The following NR5A2 variants were observed in gnomAD, a reference collection of about 807,000 sequenced individuals.
The protein encoded by NR5A2 is CYP7A promoter-binding factor.
Under a neutral mutation model 62.7 loss-of-function variants are expected in NR5A2, and 26 were observed. The ratio of observed to expected loss-of-function variants is 0.41; its 90% confidence interval spans 0.30 to 0.58. NR5A2 has a LOEUF of 0.58. Ranked by LOEUF, NR5A2 falls within the 20% of genes least tolerant of loss-of-function variation. The pLI is 0.22. For synonymous variants in NR5A2, 246 were observed against 241.7 expected (o/e 1.02, Z -0.16); for missense variants, 541 against 669.1 (o/e 0.81, Z 2.11).
chr1:200,150,787 A>G (rs1653052301), intron 7 of NR5A2, among the ~76,000 whole-genome samples: 1 of 152,184 alleles, frequency 6.6e-6, no homozygotes, highest in Non-Finnish European at 1.5e-5. Flanking sequence ...TTTTCCAACC[A>G]TGTCTCTAAT....
intron 5 of NR5A2, among the ~76,000 whole-genome samples, chr1:200,092,873 CTT>C (rs869028679): frequency 3.4e-3 from 219 of 64,218 alleles, no homozygotes; most frequent in Non-Finnish European, 4.3e-3. Context: ...AAAGACAGGT[CTT>C]TTTTTTTTTT....
chr1:200,172,698 G>A (rs989606568), intron 7 of NR5A2, among the ~76,000 whole-genome samples: 1 of 152,166 alleles, frequency 6.6e-6, no homozygotes, highest in African/African-American at 2.4e-5. Context: ...CCAGTGTAAA[G>A]CCATTTAGAA....
intron 7 of NR5A2, among the ~76,000 whole-genome samples, chr1:200,152,686 T>G (rs1328671993): frequency 6.6e-6 from 1 of 152,234 alleles, no homozygotes; most frequent in Non-Finnish European, 1.5e-5. Flanking sequence ...ATATCCCATT[T>G]TTTTCATAGT....
At chr1:200,165,303 C>T (rs767176137) in intron 7 of NR5A2, among the ~76,000 whole-genome samples, 2 of 152,116 alleles carry the variant, frequency 1.3e-5, no homozygotes, top group Admixed American at 6.5e-5. Context: ...GCATTCCACA[C>T]TGGAGTGAAA....
Position 200,039,515 on chromosome 1 carries a change from C to T in NR5A2, c.65-143C>T. 1.7e-6 allele frequency: 2 copies of T among 1,154,962 alleles called. No homozygotes were observed. The highest frequency in any genetic ancestry group is 1.5e-5 in the South Asian group (1 of 66,128). 71.5% of individuals were successfully genotyped at this position (1,154,962 alleles called of 1,614,324 possible). A position where few individuals can be genotyped will look rare whatever the true frequency, so the allele number is the denominator to read the frequency against. On this transcript the variant is annotated intron_variant, in intron 1 of 7. Coordinates refer to ENST00000367362, the MANE Select transcript of NR5A2 (RefSeq NM_205860.3). This position sits in a 1 kb window ranked among gnomAD's most constrained non-coding sequence, Gnocchi z 5.1. ...TGGGGGCGGCTCCGGAGCTGCGAGA[C>T]CGGACAGGGCTCAGAGGTCCTGCCC...
intron 5 of NR5A2, among the ~76,000 whole-genome samples, chr1:200,052,847 A>T (rs1043880034): frequency 2.6e-5 from 4 of 152,162 alleles, no homozygotes; most frequent in South Asian, 4.2e-4. Flanking sequence ...TCACCGTGTT[A>T]GCCAGGATGG....
intron 1 of NR5A2, among the ~76,000 whole-genome samples, chr1:200,035,830 G>A (rs965811965): frequency 2.0e-5 from 3 of 152,164 alleles, no homozygotes; most frequent in Admixed American, 1.3e-4. Context: ...GAGGGGAGGT[G>A]GGGGAAAAGG....
In NR5A2 at chr1:200,039,577, G is replaced by A; in HGVS notation, c.65-81G>A. On this transcript the variant is annotated intron_variant, in intron 1 of 7. Coordinates refer to ENST00000367362, the MANE Select transcript of NR5A2 (RefSeq NM_205860.3). This position sits in a 1 kb window ranked among gnomAD's most constrained non-coding sequence, Gnocchi z 5.1. ...GGAGGCGGAGGCACGCTCCGGCGAG[G>A]CGAGAGGGTTGGGTTAGCAGGCATC... 7.6e-6 allele frequency: 12 copies of A among 1,584,866 alleles called. No individual in the cohort carries two copies. In the South Asian group the frequency reaches 1.3e-4, roughly 18 times the overall value.
intron 5 of NR5A2, among the ~76,000 whole-genome samples, chr1:200,096,758 A>T (rs539877603): frequency 1.7e-4 from 26 of 152,190 alleles, no homozygotes; most frequent in Admixed American, 5.2e-4. Context: ...ATATTATAAT[A>T]ATGTATTTTT....
intron 5 of NR5A2, among the ~76,000 whole-genome samples, chr1:200,076,455 A>ATTTT (rs11430284): frequency 4.1e-5 from 6 of 146,272 alleles, no homozygotes; most frequent in African/African-American, 1.5e-4. Context: ...ATGCCCAGGA[A>ATTTT]TTTTTTTTTT....
At chr1:200,097,518 T>C (rs542558433) in intron 5 of NR5A2, among the ~76,000 whole-genome samples, 14 of 152,388 alleles carry the variant, frequency 9.2e-5, no homozygotes, top group African/African-American at 3.4e-4. Flanking sequence ...GGGGAACTTA[T>C]ATTTTGTATA....
intron 7 of NR5A2, among the ~76,000 whole-genome samples, chr1:200,156,108 C>T (rs1653371519): frequency 6.6e-6 from 1 of 152,182 alleles, no homozygotes; most frequent in African/African-American, 2.4e-5. Flanking sequence ...TACTGAGCCA[C>T]CATGGGGGTC....
At chr1:200,129,390 T>G (rs1162206535) in intron 7 of NR5A2, among the ~76,000 whole-genome samples, 1 of 152,220 alleles carries the variant, frequency 6.6e-6, no homozygotes, top group African/African-American at 2.4e-5. Context: ...ATTCAGCCAT[T>G]AAGTGAGGCA....
intron 5 of NR5A2, among the ~76,000 whole-genome samples, chr1:200,060,158 G>A (rs780240694): frequency 6.6e-6 from 1 of 152,042 alleles, no homozygotes; most frequent in Non-Finnish European, 1.5e-5. Context: ...CTTTTCTTCT[G>A]TCCCAATTCG....
At chr1:200,036,312 G>A (rs1470500886) in intron 1 of NR5A2, among the ~76,000 whole-genome samples, 2 of 152,214 alleles carry the variant, frequency 1.3e-5, no homozygotes, top group Non-Finnish European at 1.5e-5. Context: ...TTCGGAGAGG[G>A]CTTTCTGGGG....
chr1:200,092,765 C>T (rs1258474778), intron 5 of NR5A2, among the ~76,000 whole-genome samples: 1 of 149,400 alleles, frequency 6.7e-6, no homozygotes, highest in Non-Finnish European at 1.5e-5. Context: ...TCTTTTTCTT[C>T]TGTAGTTTTT....
intron 1 of NR5A2, among the ~76,000 whole-genome samples, chr1:200,033,823 G>A (rs1424592904): frequency 2.0e-5 from 3 of 152,214 alleles, no homozygotes; most frequent in Non-Finnish European, 4.4e-5. Flanking sequence ...ATGCTTGAGT[G>A]TGACGGTACC....
At position 200,111,169 on chromosome 1, in the gene NR5A2, TTTTTTGTTTGTTTGTTTC is replaced by T. The variant is rs1665923745; in HGVS notation, c.1111-31_1111-14del. 10 of 1,600,748 alleles carry T rather than the reference TTTTTTGTTTGTTTGTTTC, an allele frequency of 6.2e-6. No individual in the cohort carries two copies. The highest frequency in any genetic ancestry group is 8.5e-6 in the Non-Finnish European group (10 of 1,175,770). ...GTGAATAACAGTGTCATTTTTTGTT[TTTTTTGTTTGTTTGTTTC>T]TATTTCTTTTGCAGGTTGATGACCA... On this transcript the variant is annotated splice_polypyrimidine_tract_variant and intron_variant, in intron 5 of 7. Transcript: ENST00000367362.
At chr1:200,051,370 C>T (rs990139957) in intron 5 of NR5A2, among the ~76,000 whole-genome samples, 2 of 152,108 alleles carry the variant, frequency 1.3e-5, no homozygotes, top group African/African-American at 4.8e-5. Flanking sequence ...CTCTCTTTTC[C>T]CTCCTCTGTG....
Sources: gnomAD v4.1 joint callset for allele counts (sites outside exome capture counted in the v4.1 genomes callset) on GRCh38, gnomAD v4.1.1 for gene constraint, Gnocchi (gnomAD v3.1) non-coding constraint, MANE v1.5 for transcripts, NCBI Gene and HGNC (gene_info 2026-07-23, HGNC 2026-07-21) for gene names.